Variants in RNASE10 observed in about 807,000 individuals in gnomAD.
RNASE10 encodes the protein inactive ribonuclease-like protein 10.
A neutral mutation model predicts 1.1 loss-of-function variants in RNASE10; 2 were observed. That is an observed-to-expected ratio of 1.82 (90% CI 0.74 to 5.73). RNASE10 has a LOEUF of 5.73. RNASE10 is among the 30% of genes most tolerant of loss of function. RNASE10 has a pLI of 0.05. For missense variants in RNASE10, 276 were observed against 263.4 expected (o/e 1.05, Z -0.33); for synonymous variants, 97 against 96.2 (o/e 1.01, Z -0.05).
At chr14:20,504,897 G>A (rs1353269843), upstream of RNASE10, among the ~76,000 whole-genome samples, 1 of 152,028 alleles carries the variant, frequency 6.6e-6, no homozygotes, top group African/African-American at 2.4e-5. Context: ...CAGCAGCGGA[G>A]AGGAGCTCAC....
chr14:20,507,120 C>A (rs1392214832), intron 1 of RNASE10, among the ~76,000 whole-genome samples: 1 of 148,858 alleles, frequency 6.7e-6, no homozygotes, highest in Non-Finnish European at 1.5e-5. Flanking sequence ...GTGTGCCCAG[C>A]GGCTCATTGG....
upstream of RNASE10, among the ~76,000 whole-genome samples, chr14:20,505,269 TCCCTCTCCCTCTCC>T (rs1566535843): frequency 6.4e-4 from 7 of 10,958 alleles, no homozygotes; most frequent in African/African-American, 8.2e-4. Flanking sequence ...TTGCTCCCTC[TCCCTCTCCCTCTCC>T]CTCTCCCTCT....
intron 1 of RNASE10, among the ~76,000 whole-genome samples, chr14:20,509,734 G>A (rs1882846776): frequency 6.6e-6 from 1 of 152,112 alleles, no homozygotes; most frequent in Non-Finnish European, 1.5e-5. Context: ...TTGACAATAA[G>A]GCTTTCTACA....
At chr14:20,504,687 CAAAAA>C (rs71112507), upstream of RNASE10, among the ~76,000 whole-genome samples, 1 of 44,550 alleles carries the variant, frequency 2.2e-5, no homozygotes, top group African/African-American at 9.6e-5. Context: ...GACTCCGTCT[CAAAAA>C]AAAAAAAAAA....
At chr14:20,506,723 A>G (rs1882736710) in intron 1 of RNASE10, among the ~76,000 whole-genome samples, 2 of 116,196 alleles carry the variant, frequency 1.7e-5, no homozygotes, top group South Asian at 3.3e-4. Flanking sequence ...TGGGGGGGTC[A>G]GCCCCCCGCC....
At position 20,510,986 on chromosome 14, in the gene RNASE10, CT is replaced by C; in HGVS notation, c.603del (p.Phe201LeufsTer3). The C allele has an allele frequency of 2.5e-6, 4 of 1,601,746 alleles. No individual in the cohort carries two copies. Among genetic ancestry groups the C allele is most frequent in the South Asian group, 1.1e-5 (1 of 89,560 alleles). ...GGAAAATGTCACAAAAGCTCCCGAC[CT>C]TTTGATTTGACATTGTGCGAGCTGT... On this transcript the variant is annotated frameshift_variant, in exon 2 of 2. Transcript: ENST00000430083. LOFTEE classifies it low-confidence loss of function (END_TRUNC).
chr14:20,507,073 A>G (rs1360237975), intron 1 of RNASE10, among the ~76,000 whole-genome samples: 4 of 150,282 alleles, frequency 2.7e-5, no homozygotes, highest in African/African-American at 7.4e-5. Context: ...CTGGGAAGTG[A>G]GGAGCCCCTC....
intron 1 of RNASE10, 116 bp from the exon 2 acceptor site, chr14:20,510,351 C>G (rs113159396): frequency 0.029 from 41,683 of 1,454,258 alleles, 958 homozygotes; most frequent in African/African-American, 0.1. Context: ...GAGTAATGTG[C>G]AGAAGACACA....
chr14:20,506,581 C>A (rs1217435350), intron 1 of RNASE10, among the ~76,000 whole-genome samples: 8 of 103,664 alleles, frequency 7.7e-5, no homozygotes, highest in Non-Finnish European at 9.8e-5. Context: ...TGAGGAGCCC[C>A]TCTGCCCGGC....
At chr14:20,507,069 A>G (rs1159525436) in intron 1 of RNASE10, among the ~76,000 whole-genome samples, 4 of 149,920 alleles carry the variant, frequency 2.7e-5, no homozygotes, top group East Asian at 2.0e-4. Flanking sequence ...CCTACTGGGA[A>G]GTGAGGAGCC....
intron 1 of RNASE10, among the ~76,000 whole-genome samples, chr14:20,507,036 A>G (rs1473255439): frequency 1.3e-5 from 2 of 150,382 alleles, no homozygotes; most frequent in Non-Finnish European, 3.0e-5. Context: ...CCGGGAGGTG[A>G]GGGGCGCCTC....
At chr14:20,508,000 T>C (rs999952029) in intron 1 of RNASE10, among the ~76,000 whole-genome samples, 2 of 152,152 alleles carry the variant, frequency 1.3e-5, no homozygotes, top group Non-Finnish European at 2.9e-5. Context: ...TCCACCTGCC[T>C]CGGTCTCCCA....
chr14:20,510,722 C>G, exon 2 of RNASE10: 1 of 1,614,196 alleles, frequency 6.2e-7, no homozygotes, highest in Non-Finnish European at 8.5e-7. Context: ...CCAGAAGATC[C>G]CATCCTCGGT....
chr14:20,507,096 A>C (rs1227974534), intron 1 of RNASE10, among the ~76,000 whole-genome samples: 1 of 147,850 alleles, frequency 6.8e-6, no homozygotes, highest in Admixed American at 6.7e-5. Context: ...CCCGGCCAGG[A>C]CCCCGTCTGG....
upstream of RNASE10, among the ~76,000 whole-genome samples, chr14:20,504,842 C>T (rs2139362030): frequency 6.6e-6 from 1 of 151,968 alleles, no homozygotes; most frequent in South Asian, 2.1e-4. Context: ...GAGCACTCAC[C>T]AGCTCCTGAG....
downstream of RNASE10, among the ~76,000 whole-genome samples, chr14:20,512,963 C>T (rs1882933704): frequency 6.6e-6 from 1 of 152,154 alleles, no homozygotes; most frequent in Non-Finnish European, 1.5e-5. Context: ...AGCAATCTGT[C>T]TGGTAGGTAA....
chr14:20,506,666 G>C, intron 1 of RNASE10, among the ~76,000 whole-genome samples: 1 of 110,876 alleles, frequency 9.0e-6, no homozygotes. Context: ...GGAGGGAGGT[G>C]GGGGGTCAGC....
At chr14:20,508,842 G>A (rs1032979433) in intron 1 of RNASE10, among the ~76,000 whole-genome samples, 2 of 152,158 alleles carry the variant, frequency 1.3e-5, no homozygotes, top group African/African-American at 4.8e-5. Flanking sequence ...GAAGAGAACA[G>A]TACATATAGG....
At chr14:20,508,136 G>C (rs1882801613) in intron 1 of RNASE10, among the ~76,000 whole-genome samples, 1 of 152,082 alleles carries the variant, frequency 6.6e-6, no homozygotes, top group Non-Finnish European at 1.5e-5. Flanking sequence ...CGAAGCATTT[G>C]AGAGTATATT....
Sources: gnomAD v4.1 joint callset for allele counts (sites outside exome capture counted in the v4.1 genomes callset) on GRCh38, gnomAD v4.1.1 for gene constraint, MANE v1.5 for transcripts, NCBI Gene and HGNC (gene_info 2026-07-23, HGNC 2026-07-21) for gene names.